CRPPA: variants seen among roughly 807,000 people sequenced by gnomAD.
The protein encoded by CRPPA is D-ribitol-5-phosphate cytidylyltransferase.
Under a neutral mutation model 52.0 loss-of-function variants are expected in CRPPA, and 43 were observed. That is an observed-to-expected ratio of 0.83 (90% CI 0.65 to 1.07). The LOEUF is 1.07. Ranked by LOEUF, CRPPA falls within the 50% of genes least tolerant of loss-of-function variation. The pLI is 0.00. For missense variants in CRPPA, 629 were observed against 551.7 expected (o/e 1.14, Z -1.40); for synonymous variants, 250 against 203.5 (o/e 1.23, Z -1.94).
Position 16,421,311 on chromosome 7 carries a change from C to T in CRPPA, c.12G>A (p.Gly4=), listed in dbSNP as rs1284386964. ...CCGCCGGCCTGGCGCTGCCCGGCGG[C>T]CCGGCCTCCATGGCTGCGGGCGGAA... The part of the protein sequence containing the change: MEA[G]PPGSARPAEP... Residue 4 remains glycine (G), a synonymous_variant, in exon 1 of 10, where the codon GGG becomes GGA. Coordinates refer to ENST00000407010, the MANE Select transcript of CRPPA (RefSeq NM_001101426.4). 1.6e-6 allele frequency: 2 copies of T among 1,259,958 alleles called. No individual in the cohort carries two copies. The highest frequency in any genetic ancestry group is 4.2e-5 in the Admixed American group (1 of 23,558). 78.0% of individuals were successfully genotyped at this position (1,259,958 alleles called of 1,614,324 possible).
At position 16,421,043 on chromosome 7, in the gene CRPPA, GGGCGCGCCC is replaced by G. The variant is rs1406591623; in HGVS notation, c.257+14_257+22del. On this transcript the variant is annotated intron_variant, in intron 1 of 9. Coordinates refer to ENST00000407010, the MANE Select transcript of CRPPA (RefSeq NM_001101426.4). ...GGAGGCCGGGCCCCAGGGAACCGCG[GGGCGCGCCC>G]GGCGCCGCATTACCTCTCCAGGGCC... 7.9e-7 allele frequency: 1 copy of G among 1,263,706 alleles called. No individual in the cohort carries two copies. Among genetic ancestry groups the G allele is most frequent in the African/African-American group, 1.5e-5 (1 of 64,536 alleles). The allele number at this position is 1,263,706 out of a possible 1,614,324, so 78.3% of individuals were successfully genotyped here. A position where few individuals can be genotyped will look rare whatever the true frequency, so the allele number is the denominator to read the frequency against.
At chr7:16,261,930 A>T (rs1021109235) in intron 6 of CRPPA, 8 of 151,918 alleles carry the variant, frequency 5.3e-5, no homozygotes, top group African/African-American at 1.7e-4. Context: ...ATAGTCTTGG[A>T]TATCACCTTC....
At chr7:16,363,530 A>C (rs539232750) in intron 3 of CRPPA, among the ~76,000 whole-genome samples, 101 of 152,336 alleles carry the variant, frequency 6.6e-4, no homozygotes, top group African/African-American at 2.4e-3. Flanking sequence ...GATTTCAAAA[A>C]GCACAATATC....
At chr7:16,269,945 C>T (rs1389130722) in intron 6 of CRPPA, 2 of 152,112 alleles carry the variant, frequency 1.3e-5, no homozygotes, top group Admixed American at 1.3e-4. Context: ...AGTTCTGAAG[C>T]TACATCTCAA....
At position 16,161,818 on chromosome 7, in the gene CRPPA, G is replaced by A. The variant is rs907512696; in HGVS notation, c.1251+54248C>T. Reference sequence around the variant, plus strand: ...CAGCTGTGACTCCGTCTGGTCCTGGGCTTTTTTTGGTTGGTAGGCTATTAA... The same window carrying A: ...CAGCTGTGACTCCGTCTGGTCCTGGACTTTTTTTGGTTGGTAGGCTATTAA... On this transcript the variant is annotated intron_variant, in intron 9 of 9. Coordinates refer to ENST00000407010, the MANE Select transcript of CRPPA (RefSeq NM_001101426.4). 4.6e-5 allele frequency among the ~76,000 whole-genome samples: 7 copies of A among 151,976 alleles called. No individual in the cohort carries two copies. The South Asian group carries it at 6.2e-4, about 14-fold the overall frequency.
intron 9 of CRPPA, among the ~76,000 whole-genome samples, chr7:16,162,316 T>G (rs1339615364): frequency 6.6e-6 from 1 of 152,208 alleles, no homozygotes; most frequent in Non-Finnish European, 1.5e-5. Context: ...GGGCATTCAG[T>G]GCTATAAATT....
chr7:16,303,477 T>TAAAAAAAAAAAAAAAAAGAA (rs1784832780), intron 4 of CRPPA, among the ~76,000 whole-genome samples: 1 of 44,970 alleles, frequency 2.2e-5, no homozygotes, highest in African/African-American at 8.3e-5. Flanking sequence ...CATAAAATAG[T>TAAAAAAAAAAAAAAAAAGAA]AAAAAAAAAA....
intron 3 of CRPPA, among the ~76,000 whole-genome samples, chr7:16,350,557 A>G (rs1238860792): frequency 2.6e-5 from 4 of 152,308 alleles, no homozygotes; most frequent in South Asian, 4.1e-4. Flanking sequence ...ATAGCCTGTT[A>G]TAAGATGCTT....
intron 2 of CRPPA, among the ~76,000 whole-genome samples, chr7:16,392,234 C>T (rs1310969806): frequency 6.6e-6 from 1 of 152,126 alleles, no homozygotes; most frequent in Non-Finnish European, 1.5e-5. Flanking sequence ...ACTCTAAGTT[C>T]TCTCAATAGC....
intron 3 of CRPPA, among the ~76,000 whole-genome samples, chr7:16,313,359 C>T (rs2128425776): frequency 6.6e-6 from 1 of 152,018 alleles, no homozygotes; most frequent in African/African-American, 2.4e-5. Flanking sequence ...CACAGAGTTG[C>T]TCATTATACT....
At position 16,259,044 on chromosome 7, in the gene CRPPA, A is replaced by G. The variant is rs374251724; in HGVS notation, c.934-32T>C. The G allele has an allele frequency of 5.9e-4, 846 of 1,435,190 alleles. 1 individual carries two copies. The highest frequency in any genetic ancestry group is 2.4e-3 in the Admixed American group (134 of 55,808). The allele number at this position is 1,435,190 out of a possible 1,614,324, so 88.9% of individuals were successfully genotyped here. On this transcript the variant is annotated intron_variant, in intron 6 of 9. Coordinates refer to ENST00000407010, the MANE Select transcript of CRPPA (RefSeq NM_001101426.4). ...GGAAAAAACAGAAATGAATTCACAA[A>G]TTAGATAGACCAAACATAAACATCT...
intron 9 of CRPPA, among the ~76,000 whole-genome samples, chr7:16,145,062 C>T (rs1782948537): frequency 6.6e-6 from 1 of 152,148 alleles, no homozygotes; most frequent in African/African-American, 2.4e-5. Flanking sequence ...GGAGTCAAAA[C>T]CATAAGTGCC....
chr7:16,362,794 C>A (rs1373886729), intron 3 of CRPPA, among the ~76,000 whole-genome samples: 1 of 152,148 alleles, frequency 6.6e-6, no homozygotes, highest in African/African-American at 2.4e-5. Flanking sequence ...AAAGAATGAT[C>A]TGCGCATTTA....
chr7:16,369,079 G>A (rs1215831663), intron 3 of CRPPA, among the ~76,000 whole-genome samples: 1 of 152,152 alleles, frequency 6.6e-6, no homozygotes, highest in Non-Finnish European at 1.5e-5. Flanking sequence ...CAAAGTCCCT[G>A]TGTAGCAGGA....
At chr7:16,328,972 G>C (rs1785483806) in intron 3 of CRPPA, among the ~76,000 whole-genome samples, 1 of 152,136 alleles carries the variant, frequency 6.6e-6, no homozygotes, top group Non-Finnish European at 1.5e-5. Flanking sequence ...TTGCTTTCTT[G>C]ACTGTACATA....
intron 8 of CRPPA, among the ~76,000 whole-genome samples, chr7:16,235,270 T>G (rs1475163832): frequency 2.6e-5 from 4 of 151,930 alleles, no homozygotes; most frequent in African/African-American, 9.7e-5. Flanking sequence ...TATCAAAACT[T>G]TGAGATAGGA....
intron 5 of CRPPA, among the ~76,000 whole-genome samples, chr7:16,296,949 A>G (rs1017115913): frequency 3.9e-5 from 6 of 152,298 alleles, no homozygotes; most frequent in Admixed American, 3.3e-4. Flanking sequence ...CTGAAGGTAT[A>G]GTTTTCAACT....
At chr7:16,397,342 C>T (rs747194069) in intron 2 of CRPPA, among the ~76,000 whole-genome samples, 12 of 152,188 alleles carry the variant, frequency 7.9e-5, no homozygotes, top group Admixed American at 2.0e-4. Flanking sequence ...ACATGACCAA[C>T]ATGTGTTACA....
intron 9 of CRPPA, among the ~76,000 whole-genome samples, chr7:16,154,223 T>C (rs1486210790): frequency 6.6e-6 from 1 of 152,096 alleles, no homozygotes; most frequent in Non-Finnish European, 1.5e-5. Context: ...AAGTTTTCAA[T>C]TTTTGTTATT....
Sources: allele counts gnomAD v4.1 joint callset (sites outside exome capture counted in the v4.1 genomes callset), GRCh38; gene constraint gnomAD v4.1.1; transcripts MANE v1.5; gene names NCBI Gene and HGNC (gene_info 2026-07-23, HGNC 2026-07-21).